Variants in CSMD1 observed in about 807,000 individuals in gnomAD.
CSMD1 encodes CUB and Sushi multiple domains 1.
In CSMD1, 213 loss-of-function variants were observed where a neutral mutation model predicts 417.5. The observed-to-expected ratio is 0.51, with a 90% CI of 0.46 to 0.57. The LOEUF is 0.57. CSMD1 is among the 20% of genes least tolerant of loss of function. The probability of loss-of-function intolerance (pLI) is 0.00; values close to 1 mark genes in which losing one functional copy is unlikely to be tolerated. For missense variants in CSMD1, 6,923 were observed against 4,529.7 expected (o/e 1.53, Z -15.17); for synonymous variants, 2,862 against 1,736.8 (o/e 1.65, Z -16.11).
intron 1 of CSMD1, among the ~76,000 whole-genome samples, chr8:4,956,282 G>A (rs1175479418): frequency 1.3e-5 from 2 of 151,174 alleles, no homozygotes; most frequent in Non-Finnish European, 2.9e-5. Flanking sequence ...ACCTTGCATA[G>A]TCTCATAATT....
chr8:4,023,940 A>T (rs1385018432), intron 4 of CSMD1, among the ~76,000 whole-genome samples: 4 of 151,804 alleles, frequency 2.6e-5, no homozygotes, highest in Non-Finnish European at 5.9e-5. Context: ...TTTTACAAGC[A>T]GACTTTAGAT....
intron 3 of CSMD1, among the ~76,000 whole-genome samples, chr8:4,112,700 T>G (rs915180044): frequency 6.6e-6 from 1 of 152,210 alleles, no homozygotes; most frequent in African/African-American, 2.4e-5. Context: ...TATGAGGGTT[T>G]GCAAGTGATA....
intron 11 of CSMD1, among the ~76,000 whole-genome samples, chr8:3,472,553 G>C (rs758444505): frequency 6.6e-6 from 1 of 151,940 alleles, no homozygotes; most frequent in African/African-American, 2.4e-5. Flanking sequence ...GTGTGCACAA[G>C]AAAGATGATG....
chr8:4,816,089 G>C (rs970941143), intron 1 of CSMD1, among the ~76,000 whole-genome samples: 2 of 152,162 alleles, frequency 1.3e-5, no homozygotes, highest in Non-Finnish European at 2.9e-5. Context: ...AGCAGAACTG[G>C]GCAGAATGTG....
chr8:4,553,303 A>T (rs1218574481), intron 2 of CSMD1, among the ~76,000 whole-genome samples: 1 of 152,198 alleles, frequency 6.6e-6, no homozygotes, highest in Non-Finnish European at 1.5e-5. Context: ...TTCATATATC[A>T]GCTCTGGGTA....
At chr8:4,377,979 C>T (rs929554377) in intron 3 of CSMD1, among the ~76,000 whole-genome samples, 2 of 152,154 alleles carry the variant, frequency 1.3e-5, no homozygotes, top group African/African-American at 4.8e-5. Flanking sequence ...AATTGTAGTG[C>T]TGTCAACAAC....
intron 5 of CSMD1, among the ~76,000 whole-genome samples, chr8:3,812,296 C>G (rs1472501103): frequency 6.6e-6 from 1 of 152,138 alleles, no homozygotes; most frequent in East Asian, 1.9e-4. Context: ...ACTCTAATCT[C>G]ACAGGGTCCT....
chr8:3,921,895 G>A (rs997231910), intron 5 of CSMD1, among the ~76,000 whole-genome samples: 2 of 152,074 alleles, frequency 1.3e-5, no homozygotes, highest in South Asian at 2.1e-4. Context: ...TGTCTGTTAG[G>A]TCCATCTGGT....
At chr8:4,043,176 C>A (rs1163168339) in intron 3 of CSMD1, among the ~76,000 whole-genome samples, 1 of 152,090 alleles carries the variant, frequency 6.6e-6, no homozygotes, top group African/African-American at 2.4e-5. Flanking sequence ...TATAACATCA[C>A]AGTAGATTAT....
At chr8:3,129,118 C>A (rs1325533899) in intron 41 of CSMD1, among the ~76,000 whole-genome samples, 1 of 152,146 alleles carries the variant, frequency 6.6e-6, no homozygotes, top group African/African-American at 2.4e-5. Flanking sequence ...CTAGAGGAGG[C>A]CCTGAAGTCA....
intron 4 of CSMD1, among the ~76,000 whole-genome samples, chr8:4,027,902 C>G (rs1227665600): frequency 6.6e-6 from 1 of 151,812 alleles, no homozygotes; most frequent in Non-Finnish European, 1.5e-5. Context: ...GATTTTTTTT[C>G]TGAGAGTGAG....
intron 5 of CSMD1, among the ~76,000 whole-genome samples, chr8:3,976,477 G>C (rs796820935): frequency 1.6e-4 from 25 of 152,262 alleles, no homozygotes; most frequent in African/African-American, 5.8e-4. Flanking sequence ...GGGTCTAGAA[G>C]TGTGACTAAC....
intron 1 of CSMD1, among the ~76,000 whole-genome samples, chr8:4,763,805 T>G (rs1004119149): frequency 2.0e-5 from 3 of 152,200 alleles, no homozygotes; most frequent in Non-Finnish European, 2.9e-5. Flanking sequence ...AGACTGCAAT[T>G]AAAATTATTA....
chr8:4,303,117 A>T (rs1798067623), intron 3 of CSMD1, among the ~76,000 whole-genome samples: 1 of 152,132 alleles, frequency 6.6e-6, no homozygotes, highest in South Asian at 2.1e-4. Context: ...AATTAAAATA[A>T]GGACATTATG....
At chr8:3,251,948 C>T (rs1225952280) in intron 26 of CSMD1, among the ~76,000 whole-genome samples, 1 of 152,168 alleles carries the variant, frequency 6.6e-6, no homozygotes, top group Non-Finnish European at 1.5e-5. Context: ...TGCTTATCAG[C>T]TTAAGGATAT....
intron 1 of CSMD1, among the ~76,000 whole-genome samples, chr8:4,711,942 G>A (rs1194120327): frequency 6.6e-6 from 1 of 152,158 alleles, no homozygotes; most frequent in African/African-American, 2.4e-5. Context: ...GCTGGCTACT[G>A]TGCACATCTC....
chr8:3,921,952 G>C lies in CSMD1; in HGVS notation c.818+75951C>G, dbSNP rs2129144443. 2.0e-5 allele frequency among the ~76,000 whole-genome samples: 3 copies of C among 152,152 alleles called. No homozygotes were observed. In the South Asian group the frequency reaches 6.2e-4, roughly 32 times the overall value. ...TTGCTTTCTTATTGATTTGATGTCTGGATGACATGTCTATTTTGGAAAGCA... is the reference window on the plus strand; with the variant it reads ...TTGCTTTCTTATTGATTTGATGTCTCGATGACATGTCTATTTTGGAAAGCA... On this transcript the variant is annotated intron_variant, in intron 5 of 69. Coordinates refer to ENST00000635120, the MANE Select transcript of CSMD1 (RefSeq NM_033225.6).
In CSMD1 at chr8:3,189,792, C is replaced by T. The variant is rs1456121055; in HGVS notation, c.5398+120G>A. ...ACTCAATTACTTCCCATGAAACAAACTGCCCTTTAAATGGGTCATGAGCCA... is the reference window on the plus strand; with the variant it reads ...ACTCAATTACTTCCCATGAAACAAATTGCCCTTTAAATGGGTCATGAGCCA... On this transcript the variant is annotated intron_variant, in intron 34 of 69. Transcript: ENST00000635120. 1.1e-5 allele frequency: 9 copies of T among 830,992 alleles called. No individual in the cohort carries two copies. In the African/African-American group the frequency reaches 1.2e-4, roughly 11 times the overall value. 51.5% of individuals were successfully genotyped at this position (830,992 alleles called of 1,614,324 possible).
chr8:4,147,493 C>G (rs1031660230), intron 3 of CSMD1, among the ~76,000 whole-genome samples: 1 of 152,152 alleles, frequency 6.6e-6, no homozygotes, highest in African/African-American at 2.4e-5. Flanking sequence ...TGTGCTCCCA[C>G]CACAATCTGT....
Sources: allele counts gnomAD v4.1 joint callset (sites outside exome capture counted in the v4.1 genomes callset), GRCh38; gene constraint gnomAD v4.1.1; transcripts MANE v1.5; gene names NCBI Gene and HGNC (gene_info 2026-07-23, HGNC 2026-07-21).